The following POPDC1 variants were observed in gnomAD, a reference collection of about 807,000 sequenced individuals.
The protein encoded by POPDC1 is popeye domain cAMP effector 1.
At chr6:105,133,567 G>T in the POPDC1 span, 1 of 1,572,754 alleles carries the variant, frequency 6.4e-7, no homozygotes. Flanking sequence ...GCTGGACTCT[G>T]TATAATTCAT....
At chr6:105,116,940 A>G in the POPDC1 span, 1 of 1,414,326 alleles carries the variant, frequency 7.1e-7, no homozygotes, top group Non-Finnish European at 9.6e-7. Context: ...GTGATTTAGA[A>G]AACTAGGAAT....
the POPDC1 span, among the ~76,000 whole-genome samples, chr6:105,133,960 A>G: frequency 2.6e-5 from 4 of 152,190 alleles, no homozygotes. Flanking sequence ...GGTAATTACA[A>G]AGTTATTTAG....
chr6:105,124,453 A>C, the POPDC1 span: 20 of 878,312 alleles, frequency 2.3e-5, no homozygotes, highest in Non-Finnish European at 3.0e-5. Context: ...TTTTCCCCCC[A>C]ATAATTCATA....
At chr6:105,111,017 C>A in the POPDC1 span, among the ~76,000 whole-genome samples, 1 of 152,056 alleles carries the variant, frequency 6.6e-6, no homozygotes, top group Admixed American at 6.6e-5. Context: ...TAATAACAAA[C>A]AAAATACTTA....
At chr6:105,105,186 C>A in the POPDC1 span, among the ~76,000 whole-genome samples, 1 of 152,186 alleles carries the variant, frequency 6.6e-6, no homozygotes, top group Non-Finnish European at 1.5e-5. Flanking sequence ...CAATCCCCCC[C>A]CAACTCCCTG....
the POPDC1 span, among the ~76,000 whole-genome samples, chr6:105,109,205 G>T: frequency 7.9e-5 from 12 of 152,206 alleles, no homozygotes; most frequent in African/African-American, 2.9e-4. Flanking sequence ...TGATTTGCCC[G>T]CCTTGGCCTC....
chr6:105,128,061 A>C, the POPDC1 span, among the ~76,000 whole-genome samples: 1 of 152,212 alleles, frequency 6.6e-6, no homozygotes, highest in Non-Finnish European at 1.5e-5. Flanking sequence ...CACCTTGCCT[A>C]ATACTTTTCC....
At chr6:105,118,619 C>T in the POPDC1 span, among the ~76,000 whole-genome samples, 1 of 152,092 alleles carries the variant, frequency 6.6e-6, no homozygotes, top group Non-Finnish European at 1.5e-5. Flanking sequence ...AGAAATATGA[C>T]AATTTCAGGT....
At chr6:105,116,966 A>C in the POPDC1 span, 1 of 1,093,694 alleles carries the variant, frequency 9.1e-7, no homozygotes, top group Non-Finnish European at 1.3e-6. Flanking sequence ...AGTGGACATT[A>C]TCATAGCAAT....
the POPDC1 span, among the ~76,000 whole-genome samples, chr6:105,132,478 TG>T: frequency 5.9e-5 from 9 of 152,282 alleles, no homozygotes; most frequent in Admixed American, 3.9e-4. Context: ...CCCTGGATAA[TG>T]GGTGCACACC....
At chr6:105,113,511 G>A in the POPDC1 span, among the ~76,000 whole-genome samples, 1 of 152,148 alleles carries the variant, frequency 6.6e-6, no homozygotes, top group Admixed American at 6.5e-5. Context: ...GCATGGAAGT[G>A]GTACTTGCTC....
chr6:105,133,439 C>T, the POPDC1 span: 2 of 1,613,754 alleles, frequency 1.2e-6, no homozygotes, highest in Admixed American at 1.7e-5. Context: ...ATATTTGCTA[C>T]ATGAAAAACC....
chr6:105,127,326 C>T, the POPDC1 span, among the ~76,000 whole-genome samples: 13 of 152,290 alleles, frequency 8.5e-5, no homozygotes, highest in South Asian at 2.7e-3. Context: ...TTTTGGGGTT[C>T]CAGCAAGTTC....
the POPDC1 span, among the ~76,000 whole-genome samples, chr6:105,128,109 C>T: frequency 6.6e-6 from 1 of 152,168 alleles, no homozygotes; most frequent in African/African-American, 2.4e-5. Flanking sequence ...TTTTTTTGAG[C>T]ACCTACTGTG....
At chr6:105,133,171 G>A in the POPDC1 span, among the ~76,000 whole-genome samples, 1 of 152,146 alleles carries the variant, frequency 6.6e-6, no homozygotes, top group Non-Finnish European at 1.5e-5. Context: ...AAGTAAGGGA[G>A]AGATATGGCA....
chr6:105,114,836 G>C, the POPDC1 span, among the ~76,000 whole-genome samples: 1,574 of 152,320 alleles, frequency 0.01, 31 homozygotes, highest in African/African-American at 0.036. Context: ...CAAGGGTGTT[G>C]AGTGATCTCC....
the POPDC1 span, chr6:105,125,594 G>A: frequency 6.2e-7 from 1 of 1,612,252 alleles, no homozygotes; most frequent in East Asian, 2.2e-5. Context: ...ATGCAGCAAT[G>A]ACTAGATGCT....
chr6:105,118,992 T>C, the POPDC1 span, among the ~76,000 whole-genome samples: 1 of 151,846 alleles, frequency 6.6e-6, no homozygotes, highest in Non-Finnish European at 1.5e-5. Flanking sequence ...GAGACCAGCC[T>C]GGGCCAACAT....
At chr6:105,115,616 G>A in the POPDC1 span, 9 of 1,535,118 alleles carry the variant, frequency 5.9e-6, no homozygotes, top group Admixed American at 1.6e-4. Flanking sequence ...TCTAATCAAA[G>A]TTGTCATTTG....
Sources: gnomAD v4.1 joint callset for allele counts (sites outside exome capture counted in the v4.1 genomes callset) on GRCh38, gnomAD v4.1.1 for gene constraint, MANE v1.5 for transcripts, NCBI Gene and HGNC (gene_info 2026-07-23, HGNC 2026-07-21) for gene names.